The following ITK variants were observed in gnomAD, a reference collection of about 807,000 sequenced individuals.
The protein encoded by ITK is tyrosine-protein kinase ITK/TSK.
In ITK, 45 loss-of-function variants were observed where a neutral mutation model predicts 87.6. The observed-to-expected ratio is 0.51, with a 90% CI of 0.40 to 0.66. The LOEUF (loss-of-function observed/expected upper bound fraction) is 0.66, where lower values mean the gene tolerates loss of function less well. Among genes scored for constraint, ITK ranks in the 30% least tolerant of loss-of-function variants. ITK has a pLI of 0.00. For synonymous variants in ITK, 303 were observed against 273.6 expected (o/e 1.11, Z -1.06); for missense variants, 605 against 766.3 (o/e 0.79, Z 2.48).
intron 1 of ITK, among the ~76,000 whole-genome samples, chr5:157,194,879 A>G (rs957025068): frequency 6.6e-6 from 1 of 152,228 alleles, no homozygotes; most frequent in Non-Finnish European, 1.5e-5. Context: ...TGCCAAGCTA[A>G]GTTGGAAACT....
At chr5:157,219,302 C>A (rs246749) in intron 5 of ITK, among the ~76,000 whole-genome samples, 36,664 of 151,542 alleles carry the variant, frequency 0.24, 5,134 homozygotes, top group Non-Finnish European at 0.31. Context: ...TAATAGAGAC[C>A]GACTTTTACC....
At chr5:157,236,328 T>C (rs1754775156) in intron 8 of ITK, among the ~76,000 whole-genome samples, 2 of 151,874 alleles carry the variant, frequency 1.3e-5, no homozygotes, top group Admixed American at 1.3e-4. Flanking sequence ...TGAGCTGAGA[T>C]TGTGCAACTG....
chr5:157,199,891 C>T (rs1242102792), intron 1 of ITK: 1 of 152,140 alleles, frequency 6.6e-6, no homozygotes, highest in Admixed American at 6.5e-5. Flanking sequence ...AAAAGCCGCC[C>T]TGCCCCCTCA....
intron 7 of ITK, among the ~76,000 whole-genome samples, chr5:157,231,831 T>TA (rs1375523508): frequency 6.6e-6 from 1 of 152,196 alleles, no homozygotes; most frequent in African/African-American, 2.4e-5. Flanking sequence ...AGAGCAGTCT[T>TA]AAAGAGGAAA....
intron 6 of ITK, among the ~76,000 whole-genome samples, chr5:157,227,600 A>C (rs1390947607): frequency 6.6e-6 from 1 of 152,152 alleles, no homozygotes; most frequent in Admixed American, 6.5e-5. Context: ...TGATAGTACT[A>C]AAGTGGAAAA....
chr5:157,253,686 G>A lies in ITK; in HGVS notation c.*1008G>A. ...CATTGTGTTGGTCAATGTTCCCTTG[G>A]CGAGCAATTGAAACTTGTTTAGGCC... On this transcript the variant is annotated 3_prime_UTR_variant, in exon 17 of 17. Transcript: ENST00000422843. 4.5e-6 allele frequency: 1 copy of A among 223,210 alleles called. No homozygotes were observed. The highest frequency in any genetic ancestry group is 9.0e-6 in the Non-Finnish European group (1 of 111,712). 13.8% of individuals were successfully genotyped at this position (223,210 alleles called of 1,614,324 possible).
Position 157,240,171 on chromosome 5 carries a change from A to G in ITK, c.961A>G (p.Asn321Asp), listed in dbSNP as rs2113772295. Residue 321 changes from asparagine (N) to aspartate (D), a missense_variant, in exon 10 of 17, where the codon AAC (asparagine) becomes GAC (aspartate). Physicochemically the swap from Asn to Asp is conservative, Grantham distance 23. This residue lies in a region of ITK where 464 missense variants were observed against 578.0 expected (regional missense o/e 0.80). Coordinates refer to ENST00000422843, the MANE Select transcript of ITK (RefSeq NM_005546.4). ...GTTCGATTCCATCCCTCTTCTCATC[A>G]ACTATCACCAACATAATGGAGGAGG... The part of the protein sequence containing the change: ...YVFDSIPLLI[N>D]YHQHNGGGLV... The G allele has an allele frequency of 6.2e-7, 1 of 1,614,166 alleles. No homozygotes were observed. The highest frequency in any genetic ancestry group is 1.7e-5 in the Admixed American group (1 of 60,012).
At chr5:157,232,457 C>A in intron 8 of ITK, 63 bp downstream of exon 8, 2 of 1,174,922 alleles carry the variant, frequency 1.7e-6, no homozygotes, top group Non-Finnish European at 2.5e-6. Flanking sequence ...TGTCTCATGT[C>A]TGGAATCCCA....
intron 16 of ITK, 57 bp downstream of exon 16, chr5:157,249,064 C>T: frequency 6.7e-7 from 1 of 1,482,400 alleles, no homozygotes; most frequent in Non-Finnish European, 9.4e-7. Flanking sequence ...GGACCTCCCT[C>T]CTTCCCTAGA....
chr5:157,224,715 A>T (rs191922654), intron 6 of ITK, among the ~76,000 whole-genome samples: 1 of 152,312 alleles, frequency 6.6e-6, no homozygotes, highest in Non-Finnish European at 1.5e-5. Flanking sequence ...TGGGAGGTGG[A>T]GGTTGCAGTG....
chr5:157,236,247 C>T (rs1754773722), intron 8 of ITK, among the ~76,000 whole-genome samples: 1 of 152,036 alleles, frequency 6.6e-6, no homozygotes, highest in Admixed American at 6.6e-5. Context: ...TGGTGGCGGG[C>T]ACCTGTAATT....
rs796831994 is a variant in ITK, at chr5:157,253,700, C to G, written c.*1022C>G. The G allele has an allele frequency of 1.1e-4, 24 of 222,354 alleles. No homozygotes were observed. Among genetic ancestry groups the G allele is most frequent in the African/African-American group, 5.4e-4 (24 of 44,824 alleles). 13.8% of individuals were successfully genotyped at this position (222,354 alleles called of 1,614,324 possible). A position where few individuals can be genotyped will look rare whatever the true frequency, so the allele number is the denominator to read the frequency against. On this transcript the variant is annotated 3_prime_UTR_variant, in exon 17 of 17. Coordinates refer to ENST00000422843, the MANE Select transcript of ITK (RefSeq NM_005546.4). ...ATGTTCCCTTGGCGAGCAATTGAAACTTGTTTAGGCCCTAGGGTTGAGCAA... is the reference window on the plus strand; with the variant it reads ...ATGTTCCCTTGGCGAGCAATTGAAAGTTGTTTAGGCCCTAGGGTTGAGCAA...
chr5:157,239,221 T>C (rs552039154), intron 9 of ITK, among the ~76,000 whole-genome samples: 1 of 152,116 alleles, frequency 6.6e-6, no homozygotes, highest in Non-Finnish European at 1.5e-5. Flanking sequence ...TTATTGAGAT[T>C]TAATACAGCA....
At chr5:157,216,982 C>G (rs1032478687) in intron 4 of ITK, among the ~76,000 whole-genome samples, 1 of 152,108 alleles carries the variant, frequency 6.6e-6, no homozygotes, top group Non-Finnish European at 1.5e-5. Context: ...AGGAACTCAT[C>G]GTCTACCTAT....
chr5:157,217,829 C>G, intron 4 of ITK, 38 bp from the exon 5 acceptor site: 1 of 1,604,420 alleles, frequency 6.2e-7, no homozygotes, highest in Non-Finnish European at 8.5e-7. Flanking sequence ...CATTAGTTTT[C>G]ATGCTCATTT....
rs890125550 is a variant in ITK at position 157,227,828 on chromosome 5, T to C, written c.648-468T>C. On this transcript the variant is annotated intron_variant, in intron 6 of 16. Coordinates refer to ENST00000422843, the MANE Select transcript of ITK (RefSeq NM_005546.4). Reference sequence around the variant, plus strand: ...TATTATTTTTTACCAATTCCTTTTTTTTTTTTTTTTTTTTTTTTTTGAGAC... The same window carrying C: ...TATTATTTTTTACCAATTCCTTTTTCTTTTTTTTTTTTTTTTTTTTGAGAC... 5.4e-3 allele frequency among the ~76,000 whole-genome samples: 726 copies of C among 134,848 alleles called. 5 individuals are homozygous for C. Among genetic ancestry groups the C allele is most frequent in the African/African-American group, 0.02 (702 of 35,294 alleles). 88.5% of individuals were successfully genotyped at this position (134,848 alleles called of 152,430 possible). A position where few individuals can be genotyped will look rare whatever the true frequency, so the allele number is the denominator to read the frequency against.
chr5:157,192,703 G>A (rs562741813), intron 1 of ITK, among the ~76,000 whole-genome samples: 2 of 152,334 alleles, frequency 1.3e-5, no homozygotes, highest in South Asian at 2.1e-4. Context: ...TTCTCTGCTT[G>A]AAGCAGGGCA....
intron 16 of ITK, 81 bp from the exon 17 acceptor site, chr5:157,252,526 C>A: frequency 1.0e-6 from 1 of 971,172 alleles, no homozygotes; most frequent in Non-Finnish European, 1.7e-6. Context: ...GGGGATGCTG[C>A]TATTAAATTC....
chr5:157,222,311 AGAAG>A (rs1754436300), intron 5 of ITK, among the ~76,000 whole-genome samples: 1 of 152,122 alleles, frequency 6.6e-6, no homozygotes, highest in South Asian at 2.1e-4. Flanking sequence ...AGCCTACAGG[AGAAG>A]GAAGGGAGAC....
Sources: gnomAD v4.1 joint callset for allele counts (sites outside exome capture counted in the v4.1 genomes callset) on GRCh38, gnomAD v4.1.1 for gene constraint, gnomAD v4.1.1 regional missense constraint, MANE v1.5 for transcripts, NCBI Gene and HGNC (gene_info 2026-07-23, HGNC 2026-07-21) for gene names.